The following RTN4RL1 variants were observed in gnomAD, a reference collection of about 807,000 sequenced individuals.
RTN4RL1 encodes the protein reticulon-4 receptor-like 1.
Under a neutral mutation model 25.6 loss-of-function variants are expected in RTN4RL1, and 7 were observed. The ratio of observed to expected loss-of-function variants is 0.27; its 90% CI spans 0.16 to 0.51. RTN4RL1 has a LOEUF of 0.51. Among genes scored for constraint, RTN4RL1 ranks in the 20% least tolerant of loss-of-function variants. RTN4RL1 has a pLI of 0.97. For synonymous variants in RTN4RL1, 297 were observed against 288.2 expected (o/e 1.03, Z -0.31); for missense variants, 500 against 615.6 (o/e 0.81, Z 1.99).
At chr17:1,985,101 GT>G (rs1238905183) in intron 1 of RTN4RL1, among the ~76,000 whole-genome samples, 3 of 152,168 alleles carry the variant, frequency 2.0e-5, no homozygotes, top group African/African-American at 7.2e-5. Flanking sequence ...AATATACTTT[GT>G]TCCTTTTTAA....
chr17:2,006,189 G>A (rs1270072550), intron 1 of RTN4RL1, among the ~76,000 whole-genome samples: 1 of 146,446 alleles, frequency 6.8e-6, no homozygotes, highest in Non-Finnish European at 1.5e-5. Context: ...ACAGAGCCTT[G>A]CTCTGTGGCC....
chr17:1,973,791 C>A (rs911937417), intron 1 of RTN4RL1, among the ~76,000 whole-genome samples: 1 of 152,158 alleles, frequency 6.6e-6, no homozygotes, highest in Admixed American at 6.5e-5. Context: ...GTAATCCCAG[C>A]ACTTTGGGAG....
chr17:1,987,904 A>C (rs6503134), intron 1 of RTN4RL1, among the ~76,000 whole-genome samples: 7 of 151,820 alleles, frequency 4.6e-5, no homozygotes, highest in Non-Finnish European at 8.8e-5. Flanking sequence ...TCAGGATTTC[A>C]AGACCATCAT....
At chr17:2,018,885 G>C (rs1049547872) in intron 1 of RTN4RL1, 2 of 152,376 alleles carry the variant, frequency 1.3e-5, no homozygotes, top group Admixed American at 6.5e-5. Flanking sequence ...GGACAGTGAC[G>C]GGCAGGTGGG....
intron 1 of RTN4RL1, among the ~76,000 whole-genome samples, chr17:1,989,497 G>C (rs1395158410): frequency 6.6e-6 from 1 of 152,188 alleles, no homozygotes; most frequent in African/African-American, 2.4e-5. Context: ...TGGATCACAG[G>C]CTTGAGAAGG....
intron 1 of RTN4RL1, among the ~76,000 whole-genome samples, chr17:1,961,392 G>A (rs546992812): frequency 1.3e-5 from 2 of 152,322 alleles, no homozygotes; most frequent in Admixed American, 1.3e-4. Flanking sequence ...GCGCGAGAGA[G>A]GGAGACAGCA....
intron 1 of RTN4RL1, among the ~76,000 whole-genome samples, chr17:1,951,264 C>CA (rs112323100): frequency 1.6e-3 from 223 of 141,354 alleles, no homozygotes; most frequent in African/African-American, 4.2e-3. Flanking sequence ...GACTCCGTCT[C>CA]AAAAAAAAAA....
At chr17:1,957,327 C>G (rs1915812878) in intron 1 of RTN4RL1, among the ~76,000 whole-genome samples, 1 of 152,170 alleles carries the variant, frequency 6.6e-6, no homozygotes, top group South Asian at 2.1e-4. Context: ...GCCTTCCCAA[C>G]TGGCCCGTGA....
chr17:1,936,723 T>C lies in RTN4RL1; in HGVS notation c.1099A>G (p.Lys367Glu). 1 of 1,591,898 alleles carries C rather than the reference T, an allele frequency of 6.3e-7. No individual in the cohort carries two copies. Among genetic ancestry groups the C allele is most frequent in the Non-Finnish European group, 8.5e-7 (1 of 1,170,908 alleles). ...GGGGCCTGTTTCCCGGCGCCCGCCT[T>C]AGAGATCTGATTGCGGTTCCTGGGG... ...TNPRNRNQIS[K>E]AGAGKQAPEL... The change falls in exon 2 of 2, where the codon AAG (lysine) becomes GAG (glutamate). Residue 367 changes from lysine (K) to glutamate (E), a missense_variant. Physicochemically the swap from Lys to Glu is moderately conservative, Grantham distance 56. Transcript: ENST00000331238.
intron 1 of RTN4RL1, among the ~76,000 whole-genome samples, chr17:2,022,634 C>T (rs576438127): frequency 3.7e-4 from 57 of 152,348 alleles, no homozygotes; most frequent in Non-Finnish European, 1.9e-4. Context: ...AGATCAGGAT[C>T]TGGGGCCAAG....
intron 1 of RTN4RL1, among the ~76,000 whole-genome samples, chr17:2,002,081 G>T (rs2066961795): frequency 6.6e-6 from 1 of 151,924 alleles, no homozygotes; most frequent in South Asian, 2.1e-4. Flanking sequence ...CGGAGGTTGG[G>T]GGATGATGAG....
intron 1 of RTN4RL1, among the ~76,000 whole-genome samples, chr17:2,002,709 G>A (rs1261342667): frequency 1.3e-5 from 2 of 151,762 alleles, no homozygotes; most frequent in African/African-American, 2.4e-5. Context: ...GTCTCTCTCT[G>A]TTGAGATTGT....
At chr17:1,999,973 CA>C in intron 1 of RTN4RL1, among the ~76,000 whole-genome samples, 1 of 152,354 alleles carries the variant, frequency 6.6e-6, no homozygotes, top group African/African-American at 2.4e-5. Context: ...AAGTGCTGAC[CA>C]CTGGGCAGGC....
intron 1 of RTN4RL1, among the ~76,000 whole-genome samples, chr17:1,971,219 GT>G (rs2151313113): frequency 6.6e-6 from 1 of 152,274 alleles, no homozygotes; most frequent in African/African-American, 2.4e-5. Flanking sequence ...AGATCTGATG[GT>G]TTATACGTGT....
At chr17:1,961,078 A>G (rs1384822151) in intron 1 of RTN4RL1, among the ~76,000 whole-genome samples, 2 of 152,190 alleles carry the variant, frequency 1.3e-5, no homozygotes, top group Admixed American at 1.3e-4. Context: ...GCTCCCTGTG[A>G]TATCCCCATC....
chr17:2,002,138 A>G (rs557826551), intron 1 of RTN4RL1, among the ~76,000 whole-genome samples: 2 of 151,956 alleles, frequency 1.3e-5, no homozygotes, highest in Non-Finnish European at 2.9e-5. Flanking sequence ...AAAAATAGAT[A>G]GTACGAGATC....
At chr17:1,951,065 A>G (rs904685409) in intron 1 of RTN4RL1, among the ~76,000 whole-genome samples, 8 of 151,752 alleles carry the variant, frequency 5.3e-5, no homozygotes, top group African/African-American at 1.9e-4. Context: ...GGAGATCGAG[A>G]CCATCCTGGC....
chr17:1,987,503 G>A (rs1460521140), intron 1 of RTN4RL1, among the ~76,000 whole-genome samples: 2 of 152,130 alleles, frequency 1.3e-5, no homozygotes, highest in Non-Finnish European at 2.9e-5. Context: ...GGCTCAAGAT[G>A]CACCTGAGGA....
intron 1 of RTN4RL1, among the ~76,000 whole-genome samples, chr17:1,946,974 T>TC (rs1915567405): frequency 8.5e-6 from 1 of 117,040 alleles, no homozygotes; most frequent in Non-Finnish European, 2.0e-5. Flanking sequence ...CGTCTCTGTG[T>TC]GAATGTGTGT....
Sources: gnomAD v4.1 joint callset for allele counts (sites outside exome capture counted in the v4.1 genomes callset) on GRCh38, gnomAD v4.1.1 for gene constraint, MANE v1.5 for transcripts, NCBI Gene and HGNC (gene_info 2026-07-23, HGNC 2026-07-21) for gene names.